Variants in MACF1 observed in about 807,000 individuals in gnomAD.
MACF1 encodes microtubule-actin cross-linking factor 1.
Under a neutral mutation model 854.8 loss-of-function variants are expected in MACF1, and 193 were observed. The observed-to-expected ratio is 0.23, with a 90% CI of 0.20 to 0.25. The LOEUF (loss-of-function observed/expected upper bound fraction) is 0.25. Ranked by LOEUF, MACF1 falls within the 10% of genes least tolerant of loss-of-function variation. The pLI, the probability that MACF1 is intolerant of heterozygous loss-of-function variation, is 1.00. For missense variants in MACF1, 7,722 were observed against 8,929.1 expected, an observed-to-expected ratio of 0.86 and a Z score of 5.45; for synonymous variants, 3,185 against 3,226.7, an observed-to-expected ratio of 0.99 and a Z score of 0.44.
At chr1:39,138,622 G>A (rs540215832) in intron 2 of MACF1, among the ~76,000 whole-genome samples, 1 of 152,102 alleles carries the variant, frequency 6.6e-6, no homozygotes, top group East Asian at 1.9e-4. Flanking sequence ...GATGAACACA[G>A]CTTTCTCTCA....
At chr1:39,292,626 TTTG>T (rs1001025926) in intron 16 of MACF1, 137 bp from the exon 17 acceptor site, 2 of 620,398 alleles carry the variant, frequency 3.2e-6, no homozygotes, top group Non-Finnish European at 5.5e-6. Context: ...GACTCAGAAA[TTTG>T]TTGTCTAAGC....
intron 2 of MACF1, chr1:39,103,255 G>A (rs1642138674): frequency 9.0e-6 from 3 of 335,190 alleles, no homozygotes; most frequent in Non-Finnish European, 1.2e-5. Context: ...CCTTTGGCAA[G>A]CATCAGTCAC....
At chr1:39,160,033 G>C (rs1216096440) in intron 2 of MACF1, among the ~76,000 whole-genome samples, 1 of 152,146 alleles carries the variant, frequency 6.6e-6, no homozygotes, top group Non-Finnish European at 1.5e-5. Context: ...GGGATATACA[G>C]GTCGGGCATG....
At chr1:39,197,650 A>G (rs2148256699) in intron 2 of MACF1, among the ~76,000 whole-genome samples, 1 of 152,302 alleles carries the variant, frequency 6.6e-6, no homozygotes, top group East Asian at 1.9e-4. Context: ...TGGGAGGCAG[A>G]GGCGGGAGGG....
intron 100 of MACF1, chr1:39,484,950 C>T (rs1461890296): frequency 5.0e-6 from 3 of 599,980 alleles, no homozygotes; most frequent in Non-Finnish European, 8.9e-6. Flanking sequence ...ACAGCCAAAG[C>T]TGGGCCATGC....
intron 56 of MACF1, 90 bp downstream of exon 56, chr1:39,382,242 A>G (rs1366331375): frequency 1.6e-6 from 2 of 1,224,470 alleles, no homozygotes; most frequent in Non-Finnish European, 2.3e-6. Flanking sequence ...GATCCTGGAC[A>G]AGTCATTTAA....
chr1:39,463,590 C>A, intron 93 of MACF1, 22 bp from the exon 94 acceptor site: 2 of 1,593,204 alleles, frequency 1.3e-6, no homozygotes, highest in Non-Finnish European at 1.7e-6. Context: ...TTTACACTTT[C>A]CTTTTTGTTC....
chr1:39,264,581 T>C (rs1338940685), intron 6 of MACF1, among the ~76,000 whole-genome samples: 1 of 152,194 alleles, frequency 6.6e-6, no homozygotes, highest in Non-Finnish European at 1.5e-5. Context: ...ATGTCTGTTT[T>C]CTTATGCCCA....
chr1:39,256,744 G>C (rs1352150013), intron 5 of MACF1, among the ~76,000 whole-genome samples: 1 of 152,150 alleles, frequency 6.6e-6, no homozygotes, highest in East Asian at 1.9e-4. Context: ...GTTGGGATGA[G>C]ATTTTAGGAG....
chr1:39,433,416 C>T (rs183440264), intron 68 of MACF1, among the ~76,000 whole-genome samples: 37 of 152,278 alleles, frequency 2.4e-4, no homozygotes, highest in Non-Finnish European at 5.0e-4. Context: ...TATCCTCACT[C>T]CACAGGGAGC....
At chr1:39,185,209 A>G (rs952703143) in intron 2 of MACF1, among the ~76,000 whole-genome samples, 9 of 150,946 alleles carry the variant, frequency 6.0e-5, no homozygotes, top group Non-Finnish European at 1.3e-4. Flanking sequence ...GGAGAATGGC[A>G]TGTACCTGGG....
At chr1:39,161,932 C>T (rs1571118274) in intron 2 of MACF1, among the ~76,000 whole-genome samples, 1 of 150,728 alleles carries the variant, frequency 6.6e-6, no homozygotes, top group South Asian at 2.1e-4. Context: ...TGGTGTGCGC[C>T]TATAGTTTCA....
chr1:39,342,551 T>G (rs572220864), intron 40 of MACF1, among the ~76,000 whole-genome samples: 225 of 145,982 alleles, frequency 1.5e-3, no homozygotes, highest in African/African-American at 5.7e-3. Flanking sequence ...TTTTTTTTTT[T>G]TGTGTGACAG....
At chr1:39,366,863 T>G (rs936086388) in intron 49 of MACF1, among the ~76,000 whole-genome samples, 2 of 151,736 alleles carry the variant, frequency 1.3e-5, no homozygotes, top group African/African-American at 4.8e-5. Context: ...AGACTGGTCT[T>G]GAACTCCTGA....
At chr1:39,422,320 A>G (rs1367261681) in intron 58 of MACF1, 54 bp from the exon 59 acceptor site, 20 of 1,458,128 alleles carry the variant, frequency 1.4e-5, no homozygotes, top group Non-Finnish European at 1.7e-5. Flanking sequence ...TCTGCGTGGT[A>G]TAGAGAGTCT....
intron 25 of MACF1, 128 bp from the exon 26 acceptor site, chr1:39,310,703 G>A (rs1646282403): frequency 1.0e-6 from 1 of 977,906 alleles, no homozygotes; most frequent in Admixed American, 2.9e-5. Flanking sequence ...TACAGTATGT[G>A]AAATTTAGGA....
intron 20 of MACF1, among the ~76,000 whole-genome samples, chr1:39,297,270 G>A (rs1296126528): frequency 6.6e-6 from 1 of 152,222 alleles, no homozygotes; most frequent in East Asian, 1.9e-4. Flanking sequence ...TTCATAGTAT[G>A]AATTGAAACA....
intron 6 of MACF1, among the ~76,000 whole-genome samples, chr1:39,270,803 C>G (rs1645301794): frequency 6.6e-6 from 1 of 152,138 alleles, no homozygotes; most frequent in Non-Finnish European, 1.5e-5. Flanking sequence ...TATGGTCTAC[C>G]TACTGGTGCC....
intron 35 of MACF1, among the ~76,000 whole-genome samples, chr1:39,326,906 C>T (rs760925365): frequency 6.6e-6 from 1 of 151,970 alleles, no homozygotes; most frequent in Admixed American, 6.6e-5. Context: ...ATAGTGGATT[C>T]TTGAAGTCTA....
Sources: gnomAD v4.1 joint callset for allele counts (sites outside exome capture counted in the v4.1 genomes callset) on GRCh38, gnomAD v4.1.1 for gene constraint, MANE v1.5 for transcripts, NCBI Gene and HGNC (gene_info 2026-07-23, HGNC 2026-07-21) for gene names.